ARAP2: variants seen among roughly 807,000 people sequenced by gnomAD.
The protein encoded by ARAP2 is ArfGAP with RhoGAP domain, ankyrin repeat and PH domain 2, also known as arf-GAP with Rho-GAP domain, ANK repeat and PH domain-containing protein 2.
Under a neutral mutation model 194.5 loss-of-function variants are expected in ARAP2, and 148 were observed. The ratio of observed to expected loss-of-function variants is 0.76; its 90% CI spans 0.67 to 0.87. ARAP2 has a LOEUF of 0.87. ARAP2 is among the 40% of genes least tolerant of loss of function. The pLI, the probability that ARAP2 is intolerant of heterozygous loss-of-function variation, is 0.00. For synonymous variants in ARAP2, 695 were observed against 683.5 expected, an observed-to-expected ratio of 1.02 and a Z score of -0.26; for missense variants, 2,128 against 1,989.7, an observed-to-expected ratio of 1.07 and a Z score of -1.32.
intron 5 of ARAP2, among the ~76,000 whole-genome samples, chr4:36,036,981 T>C (rs1250594074): frequency 6.6e-6 from 1 of 152,144 alleles, no homozygotes; most frequent in Non-Finnish European, 1.5e-5. Flanking sequence ...CATTGGATTA[T>C]AAAGGTAGTT....
At chr4:36,223,271 A>G (rs1749552284) in intron 2 of ARAP2, among the ~76,000 whole-genome samples, 1 of 152,156 alleles carries the variant, frequency 6.6e-6, no homozygotes, top group South Asian at 2.1e-4. Flanking sequence ...AATAAAATCT[A>G]AAAATAAAAC....
chr4:36,018,807 C>T (rs1330994816), intron 6 of ARAP2, among the ~76,000 whole-genome samples: 1 of 152,142 alleles, frequency 6.6e-6, no homozygotes, highest in Non-Finnish European at 1.5e-5. Context: ...AGATGAGCAA[C>T]TTTTAGCATG....
intron 15 of ARAP2, among the ~76,000 whole-genome samples, chr4:36,154,256 C>A (rs1460459661): frequency 6.6e-6 from 1 of 152,012 alleles, no homozygotes; most frequent in Non-Finnish European, 1.5e-5. Context: ...GTATTCGGCA[C>A]CCACTACAAA....
chr4:36,174,930 T>G (rs1737524480), intron 9 of ARAP2, among the ~76,000 whole-genome samples: 1 of 152,214 alleles, frequency 6.6e-6, no homozygotes, highest in African/African-American at 2.4e-5. Context: ...CCATTGTCTG[T>G]TTACTCTCTC....
intron 6 of ARAP2, chr4:36,019,124 T>C (rs370724944): frequency 3.3e-5 from 5 of 149,632 alleles, no homozygotes; most frequent in Admixed American, 1.3e-4. Flanking sequence ...CTTTTAAAAA[T>C]TGTCATAAAA....
chr4:36,197,096 GCCTT>G (rs1298032903), intron 6 of ARAP2, among the ~76,000 whole-genome samples: 4 of 151,184 alleles, frequency 2.6e-5, no homozygotes, highest in African/African-American at 7.3e-5. Flanking sequence ...TTTTTCTTGA[GCCTT>G]CCTTATCTTT....
At chr4:36,186,480 T>C (rs1020484293) in intron 8 of ARAP2, among the ~76,000 whole-genome samples, 4 of 152,182 alleles carry the variant, frequency 2.6e-5, no homozygotes, top group East Asian at 3.9e-4. Flanking sequence ...AAATCTACCA[T>C]AGAATGATTA....
intron 27 of ARAP2, among the ~76,000 whole-genome samples, chr4:36,103,713 A>C (rs1452578264): frequency 6.6e-6 from 1 of 151,818 alleles, no homozygotes; most frequent in African/African-American, 2.4e-5. Flanking sequence ...GCAACAAAAA[A>C]CACACTTACT....
chr4:36,079,173 CAA>C (rs34229260), intron 31 of ARAP2, among the ~76,000 whole-genome samples: 1,482 of 77,584 alleles, frequency 0.019, 16 homozygotes, highest in African/African-American at 0.065. Flanking sequence ...GACTCTGTCT[CAA>C]AAAAAAAAAA....
intron 1 of ARAP2, among the ~76,000 whole-genome samples, chr4:36,059,370 G>A (rs991361091): frequency 1.3e-5 from 2 of 152,114 alleles, no homozygotes; most frequent in Admixed American, 6.5e-5. Flanking sequence ...TATAATCAAC[G>A]GCAGAGTGTA....
rs370690698 is a variant in ARAP2 at position 36,107,607 on chromosome 4, C to T, written c.4243G>A (p.Val1415Met). The part of the protein sequence containing the change: ...LAEPGSAYLV[V>M]KRFLTADTIK... ...GTGTCAGCGGTTAAGAATCTCTTCA[C>T]CACCAGGTAAGCAGAGCCAGGTTCA... The change falls in exon 27 of 33, where the codon GTG (valine) becomes ATG (methionine). Residue 1415 changes from valine to methionine, a missense_variant. By Grantham distance (21) the Val-to-Met change is conservative. Coordinates refer to ENST00000303965, the MANE Select transcript of ARAP2 (RefSeq NM_015230.4). 239 of 1,610,678 alleles carry T rather than the reference C, an allele frequency of 1.5e-4. No individual in the cohort carries two copies. The highest frequency in any genetic ancestry group is 2.0e-4 in the Non-Finnish European group (234 of 1,178,118).
Position 36,066,492 on chromosome 4 carries a change from C to T in ARAP2, c.*1415G>A, listed in dbSNP as rs1045351211. On this transcript the variant is annotated 3_prime_UTR_variant, in exon 33 of 33. Transcript: ENST00000303965. Reference sequence around the variant, plus strand: ...CAATGAAGAAATTCATAGCATCTACCACCACATCACTGTACTATGATTGGA... The same window carrying T: ...CAATGAAGAAATTCATAGCATCTACTACCACATCACTGTACTATGATTGGA... 6.6e-6 allele frequency: 1 copy of T among 151,850 alleles called. No individual in the cohort carries two copies. The highest frequency in any genetic ancestry group is 2.4e-5 in the African/African-American group (1 of 41,332). The allele number at this position is 151,850 out of a possible 1,614,324, so 9.4% of individuals were successfully genotyped here.
At chr4:36,060,554 T>C (rs568846633) in intron 1 of ARAP2, among the ~76,000 whole-genome samples, 91 of 152,298 alleles carry the variant, frequency 6.0e-4, no homozygotes, top group Admixed American at 1.2e-3. Context: ...GAGGGTATTC[T>C]GCTCATCATA....
intron 5 of ARAP2, among the ~76,000 whole-genome samples, chr4:36,019,483 C>G: frequency 6.7e-6 from 1 of 148,956 alleles, no homozygotes; most frequent in Middle Eastern, 3.4e-3. Context: ...TTGTGATACT[C>G]GCGATGATGG....
chr4:36,079,173 C>CAAAAA (rs34229260), intron 31 of ARAP2, among the ~76,000 whole-genome samples: 3 of 77,610 alleles, frequency 3.9e-5, no homozygotes, highest in African/African-American at 1.1e-4. Context: ...GACTCTGTCT[C>CAAAAA]AAAAAAAAAA....
intron 2 of ARAP2, among the ~76,000 whole-genome samples, chr4:36,055,330 T>TTTA (rs1363327169): frequency 2.0e-5 from 3 of 152,170 alleles, no homozygotes; most frequent in Non-Finnish European, 4.4e-5. Flanking sequence ...ATGCACACTG[T>TTTA]TTATTTATTC....
At chr4:36,134,656 C>G (rs1320560464) in intron 19 of ARAP2, among the ~76,000 whole-genome samples, 1 of 151,424 alleles carries the variant, frequency 6.6e-6, no homozygotes, top group Non-Finnish European at 1.5e-5. Context: ...TCTTCATAAT[C>G]TAGCCTATAT....
intron 2 of ARAP2, among the ~76,000 whole-genome samples, chr4:36,217,616 T>C (rs1355454953): frequency 6.6e-6 from 1 of 151,974 alleles, no homozygotes; most frequent in African/African-American, 2.4e-5. Flanking sequence ...AAATATCAAT[T>C]CCATCCCCAA....
At chr4:36,141,927 TA>T (rs1188195809) in intron 19 of ARAP2, among the ~76,000 whole-genome samples, 1 of 151,620 alleles carries the variant, frequency 6.6e-6, no homozygotes, top group Non-Finnish European at 1.5e-5. Flanking sequence ...CCCAAAGGGC[TA>T]ATAGATCAAA....
Sources: allele counts gnomAD v4.1 joint callset (sites outside exome capture counted in the v4.1 genomes callset), GRCh38; gene constraint gnomAD v4.1.1; transcripts MANE v1.5; gene names NCBI Gene and HGNC (gene_info 2026-07-23, HGNC 2026-07-21).